Variants in POLDIP2 observed in about 807,000 individuals in gnomAD.
POLDIP2 encodes the protein polymerase delta-interacting protein 2.
POLDIP2 carries 32 observed loss-of-function variants against 52.9 expected under a neutral mutation model. The observed-to-expected ratio is 0.61, with a 90% CI of 0.46 to 0.81. The LOEUF (loss-of-function observed/expected upper bound fraction) is 0.81. Ranked by LOEUF, POLDIP2 falls within the 40% of genes least tolerant of loss-of-function variation. The pLI is 0.00. For missense variants in POLDIP2, 371 were observed against 477.3 expected (o/e 0.78, Z 2.07); for synonymous variants, 183 against 183.0 (o/e 1.00, Z 0.00).
At position 28,348,962 on chromosome 17, in the gene POLDIP2, G is replaced by C. The variant is rs78823293; in HGVS notation, c.992+121C>G. On this transcript the variant is annotated intron_variant, in intron 10 of 10. Coordinates refer to ENST00000540200, the MANE Select transcript of POLDIP2 (RefSeq NM_015584.5). ...CCCACACAACAATATAGCAGATAAGGCTCCCTCTAAGAATGTAACTTGGCC... is the reference window on the plus strand; with the variant it reads ...CCCACACAACAATATAGCAGATAAGCCTCCCTCTAAGAATGTAACTTGGCC... 1.6e-3 allele frequency: 1,026 copies of C among 631,266 alleles called. 12 individuals carry two copies. The African/African-American group carries it at 0.017, about 10-fold the overall frequency. The allele number at this position is 631,266 out of a possible 1,614,324, so 39.1% of individuals were successfully genotyped here.
At chr17:28,356,069 G>A (rs1908015459) in intron 1 of POLDIP2, among the ~76,000 whole-genome samples, 193 bp from the exon 2 acceptor site, 1 of 151,198 alleles carries the variant, frequency 6.6e-6, no homozygotes, top group African/African-American at 2.4e-5. Context: ...CCCAGTGTTA[G>A]ATGTGACCGC....
chr17:28,348,980 A>G (rs1205203422), intron 10 of POLDIP2, 103 bp downstream of exon 10: 2 of 715,930 alleles, frequency 2.8e-6, no homozygotes, highest in African/African-American at 3.6e-5. Context: ...TAAGAATGTA[A>G]CTTGGCCCAG....
intron 2 of POLDIP2, 53 bp from the exon 3 acceptor site, chr17:28,354,638 G>A: frequency 8.0e-7 from 1 of 1,243,016 alleles, no homozygotes; most frequent in Non-Finnish European, 1.2e-6. Context: ...ATCCATCCAG[G>A]TGGGCCCCAG....
intron 6 of POLDIP2, 150 bp from the exon 7 acceptor site, chr17:28,351,950 A>G: frequency 1.5e-6 from 1 of 680,274 alleles, no homozygotes. Flanking sequence ...ACATGAAGCA[A>G]AAGTTCAGGC....
chr17:28,355,830 C>A lies in POLDIP2; in HGVS notation c.208G>T (p.Val70Leu). The A allele has an allele frequency of 6.2e-7, 1 of 1,613,064 alleles. No homozygotes were observed. The highest frequency in any genetic ancestry group is 8.5e-7 in the Non-Finnish European group (1 of 1,179,610). Residue 70 changes from valine to leucine, a missense_variant, in exon 2 of 11, where the codon GTG becomes TTG. Physicochemically the swap from Val to Leu is conservative, Grantham distance 32 (BLOSUM62 1). Coordinates refer to ENST00000540200, the MANE Select transcript of POLDIP2 (RefSeq NM_015584.5). ...TCATATTTTCCATTCTGTTTTGGCACCTCAAACACACCAACTGTCTCCAAC... is the reference window on the plus strand; with the variant it reads ...TCATATTTTCCATTCTGTTTTGGCAACTCAAACACACCAACTGTCTCCAAC... ...KVLETVGVFE[V>L]PKQNGKYETG...
intron 7 of POLDIP2, among the ~76,000 whole-genome samples, chr17:28,351,247 T>C (rs1907783694): frequency 3.3e-5 from 5 of 152,240 alleles, no homozygotes; most frequent in Admixed American, 3.3e-4. Flanking sequence ...ATGCACTGAC[T>C]ATACGTACTT....
intron 6 of POLDIP2, among the ~76,000 whole-genome samples, chr17:28,352,370 T>C (rs1907833009): frequency 6.7e-6 from 1 of 150,366 alleles, no homozygotes; most frequent in South Asian, 2.1e-4. Flanking sequence ...CCCAAGTAGC[T>C]GAGACTACAG....
Position 28,354,783 on chromosome 17 carries a change from A to C in POLDIP2, c.244-198T>G, listed in dbSNP as rs75741667. Among the ~76,000 whole-genome samples the C allele has an allele frequency of 2.9e-3, 441 of 152,332 alleles. 2 individuals carry two copies. The highest frequency in any genetic ancestry group is 0.01 in the African/African-American group (424 of 41,568). ...ACCTGGCTGACTCTACTCATCCTTT[A>C]GGTAAAAGCTTAGGCCTCCAGGAAG... is the stretch of plus-strand genomic sequence containing the variant. On this transcript the variant is annotated intron_variant, in intron 2 of 10. Transcript: ENST00000540200.
In POLDIP2 at chr17:28,353,260, C is replaced by T; in HGVS notation, c.495G>A (p.Arg165=). The stretch of plus-strand genomic sequence containing the variant: ...ACTCACCTGGGATGGCATAGAGGGC[C>T]CGACTGTCATCATGGTTAGCCAAGA... ...VTFLANHDDS[R]ALYAIPGLDY... Residue 165 remains arginine, a synonymous_variant, in exon 5 of 11, where the codon CGG becomes CGA. Coordinates refer to ENST00000540200, the MANE Select transcript of POLDIP2 (RefSeq NM_015584.5). 6.3e-7 allele frequency: 1 copy of T among 1,585,964 alleles called. No homozygotes were observed. The highest frequency in any genetic ancestry group is 8.6e-7 in the Non-Finnish European group (1 of 1,156,434).
At chr17:28,355,953 G>A in intron 1 of POLDIP2, 77 bp from the exon 2 acceptor site, 2 of 1,080,960 alleles carry the variant, frequency 1.9e-6, no homozygotes, top group African/African-American at 1.6e-5. Context: ...AAAGCTCCTA[G>A]GATACTGAGG....
chr17:28,357,256 A>C (rs1194988775), intron 1 of POLDIP2, 32 bp downstream of exon 1: 2 of 1,393,398 alleles, frequency 1.4e-6, no homozygotes, highest in Non-Finnish European at 9.2e-7. Flanking sequence ...CTCCAGGCCC[A>C]GTTCCTCGCG....
chr17:28,351,242 C>G (rs1443673361), intron 7 of POLDIP2, among the ~76,000 whole-genome samples: 1 of 152,202 alleles, frequency 6.6e-6, no homozygotes, highest in Non-Finnish European at 1.5e-5. Context: ...CAAGCATGCA[C>G]TGACTATACG....
rs1198790799 is a variant in POLDIP2 at position 28,353,747 on chromosome 17, T to C, written c.386A>G (p.Lys129Arg). ...CAGCACCTGATAGTAAGTGTGAGTT[T>C]TGCCTTTCACCTCCTTGGAGCCATG... The part of the protein sequence containing the change: ...AGHGSKEVKG[K>R]THTYYQVLID... The change falls in exon 4 of 11, where the codon AAA becomes AGA. Residue 129 changes from lysine (K) to arginine (R), a missense_variant. By Grantham distance (26) the Lys-to-Arg change is conservative. Transcript: ENST00000540200. 1.9e-6 allele frequency: 3 copies of C among 1,613,508 alleles called. No homozygotes were observed. The highest frequency in any genetic ancestry group is 2.5e-6 in the Non-Finnish European group (3 of 1,179,672).
In POLDIP2 at chr17:28,353,032, T is replaced by C. The variant is rs1555580308; in HGVS notation, c.515-13A>G. 1.1e-6 allele frequency: 1 copy of C among 904,358 alleles called. No homozygotes were observed. Among genetic ancestry groups the C allele is most frequent in the East Asian group, 2.4e-5 (1 of 41,730 alleles). The allele number at this position is 904,358 out of a possible 1,614,324, so 56.0% of individuals were successfully genotyped here. ...ACATAGTCCAAGCCTGGCACAGAGATGCAAAAGACAGTGGTGAAACTCACA... is the reference window on the plus strand; with the variant it reads ...ACATAGTCCAAGCCTGGCACAGAGACGCAAAAGACAGTGGTGAAACTCACA... On this transcript the variant is annotated splice_polypyrimidine_tract_variant and intron_variant, in intron 5 of 10. Coordinates refer to ENST00000540200, the MANE Select transcript of POLDIP2 (RefSeq NM_015584.5).
intron 5 of POLDIP2, 86 bp from the exon 6 acceptor site, chr17:28,353,105 C>T (rs1251389889): frequency 6.6e-6 from 5 of 754,250 alleles, no homozygotes; most frequent in Admixed American, 2.0e-5. Context: ...TGGCCTTGTT[C>T]CAGTATGGGA....
At position 28,348,205 on chromosome 17, in the gene POLDIP2, T is replaced by C; in HGVS notation, c.1019A>G (p.Asp340Gly). The C allele has an allele frequency of 6.2e-7, 1 of 1,613,788 alleles. No homozygotes were observed. The highest frequency in any genetic ancestry group is 8.5e-7 in the Non-Finnish European group (1 of 1,179,708). The change falls in exon 11 of 11, where the codon GAT becomes GGT. Residue 340 changes from aspartate to glycine, a missense_variant. Physicochemically the swap from Asp to Gly is moderately conservative, Grantham distance 94. Coordinates refer to ENST00000540200, the MANE Select transcript of POLDIP2 (RefSeq NM_015584.5). ...AATCCGAACATCAAAGTGGGAGCCA[T>C]CAGGTCTTTCAAAGCGGAACGTGCC... ...MWGTFRFERP[D>G]GSHFDVRIPP...
chr17:28,353,033 G>T lies in POLDIP2; in HGVS notation c.515-14C>A. On this transcript the variant is annotated splice_polypyrimidine_tract_variant and intron_variant, in intron 5 of 10. Coordinates refer to ENST00000540200, the MANE Select transcript of POLDIP2 (RefSeq NM_015584.5). ...CATAGTCCAAGCCTGGCACAGAGATGCAAAAGACAGTGGTGAAACTCACAG... is the reference window on the plus strand; with the variant it reads ...CATAGTCCAAGCCTGGCACAGAGATTCAAAAGACAGTGGTGAAACTCACAG... The T allele has an allele frequency of 1.1e-6, 1 of 895,340 alleles. No homozygotes were observed. Among genetic ancestry groups the T allele is most frequent in the Non-Finnish European group, 1.9e-6 (1 of 524,050 alleles). 55.5% of individuals were successfully genotyped at this position (895,340 alleles called of 1,614,324 possible).
Position 28,351,755 on chromosome 17 carries a change from T to G in POLDIP2, c.668A>C (p.Lys223Thr), listed in dbSNP as rs1555580007. ...ARETLRAWQE[K>T]NHPWLELSDV... is the part of the protein sequence containing the mutation. Reference sequence around the variant, plus strand: ...GGAGAGCTCCAGCCAGGGGTGATTCTTCTCTTGCCAGGCCCTTAGCGTCTC... The same window carrying G: ...GGAGAGCTCCAGCCAGGGGTGATTCGTCTCTTGCCAGGCCCTTAGCGTCTC... Residue 223 changes from lysine (K) to threonine (T), a missense_variant, in exon 7 of 11, where the codon AAG becomes ACG. Coordinates refer to ENST00000540200, the MANE Select transcript of POLDIP2 (RefSeq NM_015584.5). 6.2e-7 allele frequency: 1 copy of G among 1,613,790 alleles called. No homozygotes were observed. The highest frequency in any genetic ancestry group is 1.1e-5 in the South Asian group (1 of 91,080).
At position 28,357,492 on chromosome 17, in the gene POLDIP2, C is replaced by A. The variant is rs782670027; in HGVS notation, c.-44G>T. 7.0e-7 allele frequency: 1 copy of A among 1,433,460 alleles called. No homozygotes were observed. The highest frequency in any genetic ancestry group is 9.1e-7 in the Non-Finnish European group (1 of 1,104,878). The allele number at this position is 1,433,460 out of a possible 1,614,324, so 88.8% of individuals were successfully genotyped here. On this transcript the variant is annotated 5_prime_UTR_variant, in exon 1 of 11. Coordinates refer to ENST00000540200, the MANE Select transcript of POLDIP2 (RefSeq NM_015584.5). ...CCCGGCTGCTGACACAGAGCCCGAC[C>A]CGCGGCCGGGCGGCGTTCCGCCCCA... is the stretch of plus-strand genomic sequence containing the variant.
Sources: allele counts gnomAD v4.1 joint callset (sites outside exome capture counted in the v4.1 genomes callset), GRCh38; gene constraint gnomAD v4.1.1; transcripts MANE v1.5; gene names NCBI Gene and HGNC (gene_info 2026-07-23, HGNC 2026-07-21).